The following LGSN variants were observed in gnomAD, a reference collection of about 807,000 sequenced individuals.
The protein encoded by LGSN is lengsin.
A neutral mutation model predicts 19.5 loss-of-function variants in LGSN; 21 were observed. The observed-to-expected ratio is 1.07, with a 90% confidence interval of 0.76 to 1.55. The LOEUF (loss-of-function observed/expected upper bound fraction) is 1.55. Ranked by LOEUF, LGSN falls within the 40% of genes most tolerant of loss-of-function variation. LGSN has a pLI of 0.00. For synonymous variants in LGSN, 257 were observed against 215.6 expected, an observed-to-expected ratio of 1.19 and a Z score of -1.68; for missense variants, 673 against 608.5, an observed-to-expected ratio of 1.11 and a Z score of -1.12.
the LGSN span, among the ~76,000 whole-genome samples, chr6:63,521,067 A>G: frequency 6.6e-6 from 1 of 151,970 alleles, no homozygotes; most frequent in Non-Finnish European, 1.5e-5. Context: ...TGAACATCAT[A>G]TACTGGGGCC....
At chr6:63,552,631 T>A in the LGSN span, among the ~76,000 whole-genome samples, 4 of 152,352 alleles carry the variant, frequency 2.6e-5, no homozygotes, top group African/African-American at 9.6e-5. Flanking sequence ...CTGAATGGTA[T>A]TGCCTAGGTT....
the LGSN span, among the ~76,000 whole-genome samples, chr6:63,419,601 T>A: frequency 4.6e-5 from 7 of 151,968 alleles, no homozygotes; most frequent in Non-Finnish European, 8.8e-5. Context: ...TACTTGATAC[T>A]TTTTCGGCCT....
chr6:63,496,613 T>A, the LGSN span, among the ~76,000 whole-genome samples: 1 of 149,078 alleles, frequency 6.7e-6, no homozygotes, highest in East Asian at 2.0e-4. Flanking sequence ...TAGAGGTATT[T>A]GCTCCTTTTT....
chr6:63,402,201 T>C, the LGSN span, among the ~76,000 whole-genome samples: 3 of 152,234 alleles, frequency 2.0e-5, no homozygotes, highest in Admixed American at 1.3e-4. Flanking sequence ...TGAAAACCAT[T>C]GAGCCTGTTG....
intron 3 of LGSN, among the ~76,000 whole-genome samples, chr6:63,285,370 G>A (rs568880316): frequency 2.6e-5 from 4 of 152,286 alleles, no homozygotes; most frequent in African/African-American, 9.6e-5. Context: ...TATTTCTATT[G>A]GGTAAAGAAA....
chr6:63,286,169 A>T (rs1188036753), intron 2 of LGSN, among the ~76,000 whole-genome samples: 1 of 152,216 alleles, frequency 6.6e-6, no homozygotes, highest in Non-Finnish European at 1.5e-5. Flanking sequence ...TAATTTCTAA[A>T]TTTAAATTTC....
the LGSN span, among the ~76,000 whole-genome samples, chr6:63,466,667 A>G: frequency 6.6e-6 from 1 of 152,192 alleles, no homozygotes; most frequent in Non-Finnish European, 1.5e-5. Context: ...AATTGGAGAT[A>G]AGAGAAAGTA....
chr6:63,369,628 T>C, the LGSN span, among the ~76,000 whole-genome samples: 4 of 152,162 alleles, frequency 2.6e-5, no homozygotes, highest in African/African-American at 9.7e-5. Context: ...GAATATTCTC[T>C]AGGAAGTGAC....
the LGSN span, among the ~76,000 whole-genome samples, chr6:63,349,709 G>A: frequency 6.6e-6 from 1 of 152,128 alleles, no homozygotes; most frequent in South Asian, 2.1e-4. Flanking sequence ...CAACCAGCAA[G>A]GAAACAGGAA....
chr6:63,367,505 A>G, the LGSN span, among the ~76,000 whole-genome samples: 1 of 152,036 alleles, frequency 6.6e-6, no homozygotes, highest in Non-Finnish European at 1.5e-5. Context: ...ACTGTAAACT[A>G]GTTCAACCAT....
At chr6:63,332,007 GT>G in the LGSN span, among the ~76,000 whole-genome samples, 450 of 152,270 alleles carry the variant, frequency 3.0e-3, 3 homozygotes, top group African/African-American at 0.01. Flanking sequence ...GATCTTCAGG[GT>G]TGGAAGAGTG....
At chr6:63,487,973 C>G in the LGSN span, among the ~76,000 whole-genome samples, 1 of 148,462 alleles carries the variant, frequency 6.7e-6, no homozygotes, top group African/African-American at 2.6e-5. Context: ...GAGCAAGACC[C>G]CATCTCAAAA....
At chr6:63,536,006 C>G in the LGSN span, among the ~76,000 whole-genome samples, 4 of 150,480 alleles carry the variant, frequency 2.7e-5, no homozygotes, top group Non-Finnish European at 5.9e-5. Context: ...CTCGTGACAT[C>G]AGGTGATCCA....
chr6:63,354,290 C>T, the LGSN span, among the ~76,000 whole-genome samples: 7 of 150,922 alleles, frequency 4.6e-5, no homozygotes, highest in Non-Finnish European at 1.0e-4. Context: ...ACTCAAACAG[C>T]AAAAAAAATA....
At chr6:63,520,969 AAACT>A in the LGSN span, among the ~76,000 whole-genome samples, 6 of 152,284 alleles carry the variant, frequency 3.9e-5, no homozygotes, top group East Asian at 9.6e-4. Context: ...CATCCTCAGC[AAACT>A]AACACAGGAA....
chr6:63,465,210 C>T, the LGSN span, among the ~76,000 whole-genome samples: 6 of 151,924 alleles, frequency 3.9e-5, no homozygotes, highest in East Asian at 1.9e-4. Context: ...GATGGAGTTT[C>T]GCTCTTGTTG....
chr6:63,531,224 A>T, the LGSN span, among the ~76,000 whole-genome samples: 59 of 152,272 alleles, frequency 3.9e-4, no homozygotes, highest in African/African-American at 1.3e-3. Context: ...ATGGGCAGAG[A>T]CTGTCCACCT....
At chr6:63,396,640 T>G in the LGSN span, 2 of 152,992 alleles carry the variant, frequency 1.3e-5, no homozygotes, top group African/African-American at 2.4e-5. Context: ...GGCTTAGAAG[T>G]TTTCTCTTCC....
At chr6:63,412,747 G>GAAAT in the LGSN span, among the ~76,000 whole-genome samples, 1 of 67,966 alleles carries the variant, frequency 1.5e-5, no homozygotes, top group African/African-American at 1.1e-4. Context: ...AAGAAAGAAA[G>GAAAT]AAAGAAAGAA....
Sources: allele counts gnomAD v4.1 joint callset (sites outside exome capture counted in the v4.1 genomes callset), GRCh38; gene constraint gnomAD v4.1.1; transcripts MANE v1.5; gene names NCBI Gene and HGNC (gene_info 2026-07-23, HGNC 2026-07-21).